The following CDC20B variants were observed in gnomAD, a reference collection of about 807,000 sequenced individuals.
CDC20B encodes the protein cell division cycle 20B, also known as cell division cycle protein 20 homolog B.
In CDC20B, 58 loss-of-function variants were observed where a neutral mutation model predicts 64.1. That is an observed-to-expected ratio of 0.90 (90% CI 0.73 to 1.13). The LOEUF (loss-of-function observed/expected upper bound fraction) is 1.13, where lower values mean the gene tolerates loss of function less well. CDC20B is among the 50% of genes most tolerant of loss of function. CDC20B has a pLI of 0.00. For missense variants in CDC20B, 597 were observed against 633.0 expected (o/e 0.94, Z 0.61); for synonymous variants, 243 against 230.6 (o/e 1.05, Z -0.49).
At position 55,154,159 on chromosome 5, in the gene CDC20B, G is replaced by A. The variant is rs1049534157; in HGVS notation, c.127-7303C>T. 3.9e-5 allele frequency among the ~76,000 whole-genome samples: 6 copies of A among 152,290 alleles called. 1 individual carries two copies. The East Asian group carries it at 5.8e-4, about 15-fold the overall frequency. On this transcript the variant is annotated intron_variant, in intron 2 of 11. Transcript: ENST00000381375. ...AGTGACAGGGGTCAAGGTAAACACC[G>A]TAATGGGACAACACCCCAGCACATC...
intron 6 of CDC20B, among the ~76,000 whole-genome samples, chr5:55,131,615 T>C (rs1007560865): frequency 3.3e-5 from 5 of 152,208 alleles, no homozygotes; most frequent in African/African-American, 1.2e-4. Context: ...GCTATAACAA[T>C]GAGGAGTTCT....
chr5:55,161,570 C>T (rs1744065686), intron 2 of CDC20B, among the ~76,000 whole-genome samples: 1 of 152,222 alleles, frequency 6.6e-6, no homozygotes, highest in Non-Finnish European at 1.5e-5. Flanking sequence ...TCTCTTGTAA[C>T]TAGCATCTGG....
At chr5:55,132,928 G>A (rs1415060803) in intron 6 of CDC20B, among the ~76,000 whole-genome samples, 1 of 152,058 alleles carries the variant, frequency 6.6e-6, no homozygotes, top group Non-Finnish European at 1.5e-5. Context: ...TCTCCACAAC[G>A]TCTTTCTGGA....
intron 11 of CDC20B, among the ~76,000 whole-genome samples, chr5:55,116,203 C>G (rs908569619): frequency 6.6e-6 from 1 of 152,014 alleles, no homozygotes; most frequent in Admixed American, 6.6e-5. Flanking sequence ...AAATAATAAA[C>G]CATATAAATG....
intron 2 of CDC20B, among the ~76,000 whole-genome samples, chr5:55,169,795 C>T (rs1303838652): frequency 6.6e-6 from 1 of 152,140 alleles, no homozygotes; most frequent in South Asian, 2.1e-4. Context: ...CTATAGAAAC[C>T]AATTCTAATG....
At chr5:55,141,324 G>A (rs968135603) in intron 4 of CDC20B, among the ~76,000 whole-genome samples, 1 of 152,214 alleles carries the variant, frequency 6.6e-6, no homozygotes, top group Non-Finnish European at 1.5e-5. Flanking sequence ...AGCAAGCCAA[G>A]CTGTGTCCTG....
chr5:55,158,840 T>G (rs1416145652), intron 2 of CDC20B, among the ~76,000 whole-genome samples: 3 of 152,240 alleles, frequency 2.0e-5, no homozygotes, highest in South Asian at 2.1e-4. Flanking sequence ...AGGCCCCCTG[T>G]GCCAGGCAAC....
chr5:55,126,057 T>C (rs940370066), intron 8 of CDC20B, among the ~76,000 whole-genome samples: 2 of 152,198 alleles, frequency 1.3e-5, no homozygotes, highest in Non-Finnish European at 2.9e-5. Flanking sequence ...ATTTTCCTCG[T>C]GGATAATGAA....
At chr5:55,172,860 C>A in intron 1 of CDC20B, 78 bp downstream of exon 1, 1 of 1,392,508 alleles carries the variant, frequency 7.2e-7, no homozygotes, top group South Asian at 1.3e-5. Context: ...ACCTCTTGGT[C>A]CTAAACAGAT....
At chr5:55,160,262 T>C (rs1196680746) in intron 2 of CDC20B, 2 of 1,614,062 alleles carry the variant, frequency 1.2e-6, no homozygotes, top group South Asian at 1.1e-5. Context: ...AGTTTTGCTG[T>C]CTATAGTTCT....
At chr5:55,151,004 C>T (rs970207900) in intron 2 of CDC20B, among the ~76,000 whole-genome samples, 10 of 152,132 alleles carry the variant, frequency 6.6e-5, no homozygotes, top group African/African-American at 2.4e-4. Flanking sequence ...CCTAAGCCCC[C>T]AAAAGTGCTA....
chr5:55,173,175 T>G lies in CDC20B; in HGVS notation c.-175A>C. 2 of 589,058 alleles carry G rather than the reference T, an allele frequency of 3.4e-6. No homozygotes were observed. Among genetic ancestry groups the G allele is most frequent in the South Asian group, 4.1e-5 (2 of 48,976 alleles). The allele number at this position is 589,058 out of a possible 1,614,324, so 36.5% of individuals were successfully genotyped here. ...GGTCCCCCACTCCTCCCACCGCCGC[T>G]GCAAGGTGTTCCCCAGGGTACCATT... On this transcript the variant is annotated 5_prime_UTR_variant, in exon 1 of 12. Transcript: ENST00000381375.
chr5:55,156,814 C>G (rs747433961), intron 2 of CDC20B, among the ~76,000 whole-genome samples: 1 of 152,200 alleles, frequency 6.6e-6, no homozygotes, highest in Non-Finnish European at 1.5e-5. Context: ...ATGGAGGTTG[C>G]AGTGAGCCGA....
At position 55,143,638 on chromosome 5, in the gene CDC20B, G is replaced by A. The variant is rs1021580; in HGVS notation, c.361C>T (p.Arg121Cys). 1,301,476 of 1,586,518 alleles carry A rather than the reference G, an allele frequency of 0.82. 536,909 individuals carry two copies. Among genetic ancestry groups the A allele is most frequent in the Admixed American group, 0.89 (47,798 of 53,572 alleles). The change falls in exon 4 of 12, where the codon CGC becomes TGC. Residue 121 changes from arginine to cysteine, a missense_variant. Transcript: ENST00000381375. ...PEKETLTLGS[R>C]KEQLKTPSKG... ...CTGGGGGTCTTCAGTTGTTCTTTGC[G>A]GGATCCTACAAGAAAGACATTTATC...
At chr5:55,135,156 G>C (rs554091867) in intron 5 of CDC20B, among the ~76,000 whole-genome samples, 2 of 152,176 alleles carry the variant, frequency 1.3e-5, no homozygotes, top group East Asian at 3.9e-4. Context: ...GGATATAAGG[G>C]AACCTGCACC....
rs1580345035 is a variant in CDC20B at position 55,133,437 on chromosome 5, A to T, written c.672T>A (p.His224Gln). 2 of 1,565,258 alleles carry T rather than the reference A, an allele frequency of 1.3e-6. No individual in the cohort carries two copies. The highest frequency in any genetic ancestry group is 1.7e-6 in the Non-Finnish European group (2 of 1,146,174). The stretch of plus-strand genomic sequence containing the variant: ...AGTAGTCATTTCGAAGACCAGTAAT[A>T]TGAATCTTCACCTCTGGTTGGAGTA... The part of the protein sequence containing the change: ...DSILQPEVKI[H>Q]ITGLRNDYYL... The change falls in exon 6 of 12, where the codon CAT (histidine) becomes CAA (glutamine). Residue 224 changes from histidine to glutamine, a missense_variant. Coordinates refer to ENST00000381375, the MANE Select transcript of CDC20B (RefSeq NM_001170402.1).
Position 55,113,528 on chromosome 5 carries a change from A to G in CDC20B, c.*690T>C, listed in dbSNP as rs1742554463. On this transcript the variant is annotated 3_prime_UTR_variant, in exon 12 of 12. Transcript: ENST00000381375. ...AGTCAAGAGGATCAGTTCTAAGACA[A>G]TTACAGCAGACTGGCTGTCAGGCAC... 6.5e-6 allele frequency: 1 copy of G among 152,672 alleles called. No homozygotes were observed. Among genetic ancestry groups the G allele is most frequent in the Non-Finnish European group, 1.5e-5 (1 of 68,428 alleles). The allele number at this position is 152,672 out of a possible 1,614,324, so 9.5% of individuals were successfully genotyped here.
At chr5:55,166,626 T>C (rs1379781957) in intron 2 of CDC20B, 3 of 152,220 alleles carry the variant, frequency 2.0e-5, no homozygotes, top group African/African-American at 7.2e-5. Context: ...AGAGGAAAAG[T>C]TGAATCTTTC....
At chr5:55,164,099 G>A (rs200784518) in intron 2 of CDC20B, 6 of 1,603,502 alleles carry the variant, frequency 3.7e-6, no homozygotes, top group Non-Finnish European at 5.1e-6. Flanking sequence ...GAAGTATCTT[G>A]TCAACCCTGA....
Sources: allele counts gnomAD v4.1 joint callset (sites outside exome capture counted in the v4.1 genomes callset), GRCh38; gene constraint gnomAD v4.1.1; transcripts MANE v1.5; gene names NCBI Gene and HGNC (gene_info 2026-07-23, HGNC 2026-07-21).